The following HLF variants were observed in gnomAD, a reference collection of about 807,000 sequenced individuals.
The protein encoded by HLF is HLF transcription factor, PAR bZIP family member.
HLF carries 3 observed loss-of-function variants against 22.6 expected under a neutral mutation model. The observed-to-expected ratio is 0.13, with a 90% CI of 0.06 to 0.34. The LOEUF is 0.34. HLF is among the 10% of genes least tolerant of loss of function. The pLI is 1.00. For missense variants in HLF, 299 were observed against 389.2 expected (o/e 0.77, Z 1.95); for synonymous variants, 151 against 151.8 (o/e 0.99, Z 0.04).
intron 2 of HLF, chr17:55,283,824 C>T (rs1324440870): frequency 6.6e-6 from 1 of 152,192 alleles, no homozygotes; most frequent in Non-Finnish European, 1.5e-5. Context: ...TCCAGGGAAA[C>T]TGCGTCCTCG....
intron 2 of HLF, among the ~76,000 whole-genome samples, chr17:55,288,621 C>T (rs2081029165): frequency 6.6e-6 from 1 of 151,718 alleles, no homozygotes; most frequent in Admixed American, 6.6e-5. Context: ...AAAAATTAGC[C>T]AGGTGTGGTG....
chr17:55,265,718 C>T, intron 1 of HLF, 119 bp downstream of exon 1: 1 of 1,108,976 alleles, frequency 9.0e-7, no homozygotes, highest in Non-Finnish European at 1.2e-6. Flanking sequence ...CCGCGGCGCC[C>T]CGGCCCCGCG....
intron 2 of HLF, among the ~76,000 whole-genome samples, chr17:55,274,332 CAT>C (rs1699934354): frequency 6.6e-6 from 1 of 152,066 alleles, no homozygotes; most frequent in African/African-American, 2.4e-5. Context: ...TAGAAAATAA[CAT>C]ATTAGAGAGG....
intron 2 of HLF, among the ~76,000 whole-genome samples, chr17:55,310,011 A>C (rs796537328): frequency 1.3e-5 from 2 of 152,378 alleles, no homozygotes; most frequent in African/African-American, 4.8e-5. Flanking sequence ...ATTCTTGCTA[A>C]AATACGAAAG....
In HLF at chr17:55,324,810, C is replaced by T. The variant is rs78268532; in HGVS notation, c.*3931C>T. On this transcript the variant is annotated 3_prime_UTR_variant, in exon 4 of 4. Coordinates refer to ENST00000226067, the MANE Select transcript of HLF (RefSeq NM_002126.5). ...GTAAGAGTGTGTGTGTGTGTGTGTG[C>T]GTGCATGTGTGTGTGTGTGTATGTG... The T allele has an allele frequency of 5.8e-5, 12 of 206,378 alleles. No individual in the cohort carries two copies. Among genetic ancestry groups the T allele is most frequent in the Admixed American group, 1.3e-4 (2 of 15,800 alleles). The allele number at this position is 206,378 out of a possible 1,614,324, so 12.8% of individuals were successfully genotyped here. A position where few individuals can be genotyped will look rare whatever the true frequency, so the allele number is the denominator to read the frequency against.
chr17:55,280,779 C>A (rs766310800), intron 2 of HLF, among the ~76,000 whole-genome samples: 1 of 152,296 alleles, frequency 6.6e-6, no homozygotes, highest in South Asian at 2.1e-4. Context: ...TCTTAACTCT[C>A]CTTTCTCTGT....
In HLF at chr17:55,315,446, A is replaced by T; in HGVS notation, c.671A>T (p.Lys224Met). 1.2e-6 allele frequency: 2 copies of T among 1,610,478 alleles called. No homozygotes were observed. The highest frequency in any genetic ancestry group is 1.7e-6 in the Non-Finnish European group (2 of 1,176,670). ...ARKVFIPDDL[K>M]DDKYWARRRK... Reference sequence around the variant, plus strand: ...AAAGTCTTCATCCCTGATGACCTGAAGGTAAATTGGAACTGGTAATCAGTC... The same window carrying T: ...AAAGTCTTCATCCCTGATGACCTGATGGTAAATTGGAACTGGTAATCAGTC... Residue 224 changes from lysine to methionine, a missense_variant and splice_region_variant, in exon 3 of 4, where the codon AAG becomes ATG. Physicochemically the swap from Lys to Met is moderately conservative, Grantham distance 95. Transcript: ENST00000226067.
intron 2 of HLF, among the ~76,000 whole-genome samples, chr17:55,302,981 A>G (rs954286715): frequency 6.6e-6 from 1 of 152,206 alleles, no homozygotes; most frequent in Non-Finnish European, 1.5e-5. Flanking sequence ...CAGAGTTGTT[A>G]GGAGGGCAGA....
In HLF at chr17:55,323,243, AAGAT is replaced by A. The variant is rs1905325072; in HGVS notation, c.*2367_*2370del. The A allele has an allele frequency of 1.8e-5, 4 of 217,516 alleles. No homozygotes were observed. In the East Asian group the frequency reaches 2.7e-4, roughly 15 times the overall value. The allele number at this position is 217,516 out of a possible 1,614,324, so 13.5% of individuals were successfully genotyped here. On this transcript the variant is annotated 3_prime_UTR_variant, in exon 4 of 4. Coordinates refer to ENST00000226067, the MANE Select transcript of HLF (RefSeq NM_002126.5). Reference sequence around the variant, plus strand: ...TGCAATCTTAAGCAGAGATAAATAAAAGATAGCAATATGAGACACAGGTGGACGT... The same window carrying A: ...TGCAATCTTAAGCAGAGATAAATAAAAGCAATATGAGACACAGGTGGACGT...
intron 2 of HLF, among the ~76,000 whole-genome samples, chr17:55,302,612 G>A (rs995125633): frequency 2.0e-5 from 3 of 152,132 alleles, no homozygotes; most frequent in Admixed American, 1.3e-4. Flanking sequence ...CGCTGATTTC[G>A]TCTCCTGCTT....
intron 2 of HLF, among the ~76,000 whole-genome samples, chr17:55,296,457 T>G (rs778989388): frequency 2.6e-5 from 4 of 152,206 alleles, no homozygotes; most frequent in Non-Finnish European, 4.4e-5. Context: ...TATATACATA[T>G]ATATGGGGGT....
chr17:55,284,890 T>C (rs899706606), intron 2 of HLF, among the ~76,000 whole-genome samples: 2 of 152,130 alleles, frequency 1.3e-5, no homozygotes, highest in Non-Finnish European at 2.9e-5. Flanking sequence ...GGGCCACTAA[T>C]CCCCTTTCTT....
rs896333873 is a variant in HLF, at chr17:55,265,797, C to G, written c.115+198C>G. 6 of 1,337,392 alleles carry G rather than the reference C, an allele frequency of 4.5e-6. No homozygotes were observed. In the African/African-American group the frequency reaches 9.3e-5, roughly 21 times the overall value. The allele number at this position is 1,337,392 out of a possible 1,614,324, so 82.8% of individuals were successfully genotyped here. The stretch of plus-strand genomic sequence containing the variant: ...CTCCTCCTCCATGAAAGGGGAGGGA[C>G]CCCTCCTGAGCTACATTTAAAAGAG... On this transcript the variant is annotated intron_variant, in intron 1 of 3. Coordinates refer to ENST00000226067, the MANE Select transcript of HLF (RefSeq NM_002126.5).
chr17:55,305,576 C>A (rs1476227191), intron 2 of HLF, among the ~76,000 whole-genome samples: 1 of 152,224 alleles, frequency 6.6e-6, no homozygotes, highest in Non-Finnish European at 1.5e-5. Flanking sequence ...GTTGAGCCCA[C>A]TGGAGTCTGC....
At chr17:55,295,688 G>C (rs2081105838) in intron 2 of HLF, among the ~76,000 whole-genome samples, 1 of 152,226 alleles carries the variant, frequency 6.6e-6, no homozygotes, top group African/African-American at 2.4e-5. Context: ...CTTGCCCTGG[G>C]CTGCCCTATG....
At chr17:55,301,067 GC>G (rs2081153428) in intron 2 of HLF, among the ~76,000 whole-genome samples, 1 of 152,044 alleles carries the variant, frequency 6.6e-6, no homozygotes, top group African/African-American at 2.4e-5. Context: ...TACTTTTCTG[GC>G]CAATTTCAAG....
At chr17:55,298,177 T>C (rs1350694657) in intron 2 of HLF, among the ~76,000 whole-genome samples, 1 of 152,094 alleles carries the variant, frequency 6.6e-6, no homozygotes, top group Non-Finnish European at 1.5e-5. Context: ...TCAGATTAGA[T>C]CCCCTGTTCA....
rs1412243623 is a variant in HLF at position 55,324,737 on chromosome 17, G to A, written c.*3858G>A. 14 of 233,098 alleles carry A rather than the reference G, an allele frequency of 6.0e-5. No individual in the cohort carries two copies. In the East Asian group the frequency reaches 6.0e-4, roughly 10 times the overall value. The allele number at this position is 233,098 out of a possible 1,614,324, so 14.4% of individuals were successfully genotyped here. The stretch of plus-strand genomic sequence containing the variant: ...TTAAAAAATGAGCAAAGCCTTATCC[G>A]AATCGGATATAGCAACTAAAGTCAA... On this transcript the variant is annotated 3_prime_UTR_variant, in exon 4 of 4. Coordinates refer to ENST00000226067, the MANE Select transcript of HLF (RefSeq NM_002126.5).
chr17:55,302,264 C>G (rs558951146), intron 2 of HLF, among the ~76,000 whole-genome samples: 1 of 152,348 alleles, frequency 6.6e-6, no homozygotes, highest in Admixed American at 6.5e-5. Flanking sequence ...GTTTAGGACT[C>G]TGTGAACGTT....
Sources: allele counts gnomAD v4.1 joint callset (sites outside exome capture counted in the v4.1 genomes callset), GRCh38; gene constraint gnomAD v4.1.1; transcripts MANE v1.5; gene names NCBI Gene and HGNC (gene_info 2026-07-23, HGNC 2026-07-21).